The following SRPK2 variants were observed in gnomAD, a reference collection of about 807,000 sequenced individuals.
SRPK2 encodes SFRS protein kinase 2.
Under a neutral mutation model 90.8 loss-of-function variants are expected in SRPK2, and 21 were observed. That is an observed-to-expected ratio of 0.23 (90% CI 0.16 to 0.33). The LOEUF (loss-of-function observed/expected upper bound fraction) is 0.33, where lower values mean the gene tolerates loss of function less well. Ranked by LOEUF, SRPK2 falls within the 10% of genes least tolerant of loss-of-function variation. SRPK2 has a pLI of 1.00. For missense variants in SRPK2, 620 were observed against 869.0 expected (o/e 0.71, Z 3.60); for synonymous variants, 288 against 311.1 (o/e 0.93, Z 0.78).
chr7:105,387,850 G>A (rs1325894650), intron 2 of SRPK2, among the ~76,000 whole-genome samples: 1 of 152,210 alleles, frequency 6.6e-6, no homozygotes, highest in Non-Finnish European at 1.5e-5. Flanking sequence ...CAGCTCTCCA[G>A]GAAAGGGTTC....
rs188622199 is a variant in SRPK2 at position 105,170,749 on chromosome 7, A to G, written c.230-1484T>C. ...AGGAAAGAAAGGGAAGAAAGGGAGG[A>G]AGGAAGGAAGGAAGGAAGGAAGGAA... On this transcript the variant is annotated intron_variant, in intron 3 of 15. Transcript: ENST00000393651. Among the ~76,000 whole-genome samples the G allele has an allele frequency of 9.8e-3, 551 of 55,966 alleles. 19 individuals carry two copies. The highest frequency in any genetic ancestry group is 0.047 in the African/African-American group (501 of 10,748). The allele number at this position is 55,966 out of a possible 152,430, so 36.7% of individuals were successfully genotyped here. A position where few individuals can be genotyped will look rare whatever the true frequency, so the allele number is the denominator to read the frequency against.
intron 11 of SRPK2, among the ~76,000 whole-genome samples, chr7:105,139,497 A>G (rs547133979): frequency 2.2e-4 from 33 of 152,316 alleles, no homozygotes; most frequent in African/African-American, 7.9e-4. Context: ...TATGTGTAGC[A>G]GGTTGGCAGG....
intron 2 of SRPK2, among the ~76,000 whole-genome samples, chr7:105,342,660 T>C (rs1815963035): frequency 6.6e-6 from 1 of 152,134 alleles, no homozygotes; most frequent in African/African-American, 2.4e-5. Context: ...AGAATCCACC[T>C]TGTTCTCGCT....
At chr7:105,268,035 T>C (rs767358411) in intron 2 of SRPK2, among the ~76,000 whole-genome samples, 12 of 152,246 alleles carry the variant, frequency 7.9e-5, no homozygotes, top group Non-Finnish European at 1.8e-4. Context: ...CTGTATACAA[T>C]ATTTGCATAT....
chr7:105,177,414 C>A (rs796294519), intron 3 of SRPK2, among the ~76,000 whole-genome samples: 3 of 152,208 alleles, frequency 2.0e-5, no homozygotes, highest in African/African-American at 7.2e-5. Context: ...AATCTTAAAA[C>A]CTTAGCATAT....
chr7:105,159,317 C>G (rs1807058477), intron 7 of SRPK2, among the ~76,000 whole-genome samples: 1 of 151,708 alleles, frequency 6.6e-6, no homozygotes, highest in Non-Finnish European at 1.5e-5. Context: ...GAAACCCTGT[C>G]TCTACTAAAA....
chr7:105,285,697 C>T (rs1421470747), intron 2 of SRPK2, among the ~76,000 whole-genome samples: 1 of 152,112 alleles, frequency 6.6e-6, no homozygotes, highest in Admixed American at 6.6e-5. Flanking sequence ...CACTTACTCC[C>T]GCTCTCTCTT....
chr7:105,235,893 G>A (rs1028180857), intron 2 of SRPK2, among the ~76,000 whole-genome samples: 14 of 152,098 alleles, frequency 9.2e-5, no homozygotes, highest in African/African-American at 2.7e-4. Flanking sequence ...ACTATTCTCC[G>A]GGGGATAATT....
At chr7:105,250,041 G>A (rs1198881369) in intron 2 of SRPK2, among the ~76,000 whole-genome samples, 1 of 152,084 alleles carries the variant, frequency 6.6e-6, no homozygotes, top group East Asian at 1.9e-4. Flanking sequence ...AAAAGTCGTG[G>A]CTACTTTGGC....
chr7:105,290,372 G>T (rs1163703019), intron 2 of SRPK2, among the ~76,000 whole-genome samples: 1 of 151,984 alleles, frequency 6.6e-6, no homozygotes, highest in Non-Finnish European at 1.5e-5. Flanking sequence ...GCACACACCT[G>T]TGGTCCCAGC....
intron 1 of SRPK2, among the ~76,000 whole-genome samples, chr7:105,396,638 A>G (rs1028173761): frequency 2.0e-5 from 3 of 147,178 alleles, no homozygotes; most frequent in Admixed American, 6.8e-5. Flanking sequence ...CTTGAAAGAA[A>G]GAAAGGGAGA....
At chr7:105,128,511 A>G (rs1157674396) in intron 13 of SRPK2, among the ~76,000 whole-genome samples, 2 of 152,228 alleles carry the variant, frequency 1.3e-5, no homozygotes, top group African/African-American at 4.8e-5. Context: ...ACTAGATTAC[A>G]CACTCAATGG....
rs1307584536 is a variant in SRPK2 at position 105,260,319 on chromosome 7, A to T, written c.72-56534T>A. 2.6e-5 allele frequency among the ~76,000 whole-genome samples: 4 copies of T among 152,256 alleles called. No individual in the cohort carries two copies. In the East Asian group the frequency reaches 7.7e-4, roughly 29 times the overall value. On this transcript the variant is annotated intron_variant, in intron 2 of 15. Transcript: ENST00000393651. ...ACTGGTCATCAGAGAAATGCAAATCAAAACCACAATGAGATACCATCTCAC... is the reference window on the plus strand; with the variant it reads ...ACTGGTCATCAGAGAAATGCAAATCTAAACCACAATGAGATACCATCTCAC...
At chr7:105,273,528 C>T (rs780503259) in intron 2 of SRPK2, among the ~76,000 whole-genome samples, 16 of 151,438 alleles carry the variant, frequency 1.1e-4, no homozygotes, top group Non-Finnish European at 2.4e-4. Flanking sequence ...CAAATTCAAG[C>T]GATTCTCCTG....
At chr7:105,289,580 C>T (rs1195066625) in intron 2 of SRPK2, among the ~76,000 whole-genome samples, 1 of 152,154 alleles carries the variant, frequency 6.6e-6, no homozygotes, top group African/African-American at 2.4e-5. Flanking sequence ...CAAGACCTAT[C>T]ATTAAAGTGA....
intron 2 of SRPK2, among the ~76,000 whole-genome samples, chr7:105,275,131 C>T (rs1165094435): frequency 6.6e-6 from 1 of 152,128 alleles, no homozygotes; most frequent in East Asian, 1.9e-4. Flanking sequence ...AGTGATCCAC[C>T]CGCCTCAGCC....
Position 105,203,705 on chromosome 7 carries a change from G to A in SRPK2, c.152C>T (p.Pro51Leu). The change falls in exon 3 of 16, where the codon CCC becomes CTC. Residue 51 changes from proline to leucine, a missense_variant. Physicochemically the swap from Pro to Leu is moderately conservative, Grantham distance 98. Around this residue, in one of 8 missense-constraint regions of SRPK2, gnomAD observed 196 missense variants for 339.2 expected, o/e 0.58. Coordinates refer to ENST00000393651, the MANE Select transcript of SRPK2 (RefSeq NM_182692.3). ...CTCCTCCTCTGGCTCCGGGGGTGTG[G>A]GGTCTGGCAAAGGTGGCGGTGGTGG... ...PPPPPPPLPD[P>L]TPPEPEEEIL... The A allele has an allele frequency of 1.9e-6, 3 of 1,599,928 alleles. No homozygotes were observed. The highest frequency in any genetic ancestry group is 1.7e-6 in the Non-Finnish European group (2 of 1,173,724).
chr7:105,361,556 G>T (rs1214518192), intron 2 of SRPK2, among the ~76,000 whole-genome samples: 1 of 152,086 alleles, frequency 6.6e-6, no homozygotes, highest in African/African-American at 2.4e-5. Flanking sequence ...GAGGCATCAT[G>T]CTACCTGACT....
intron 3 of SRPK2, among the ~76,000 whole-genome samples, chr7:105,174,985 A>G (rs1472713715): frequency 6.6e-6 from 1 of 152,136 alleles, no homozygotes; most frequent in African/African-American, 2.4e-5. Context: ...CTCTTACTAA[A>G]AATACAAAAA....
Sources: gnomAD v4.1 joint callset for allele counts (sites outside exome capture counted in the v4.1 genomes callset) on GRCh38, gnomAD v4.1.1 for gene constraint, gnomAD v4.1.1 regional missense constraint, MANE v1.5 for transcripts, NCBI Gene and HGNC (gene_info 2026-07-23, HGNC 2026-07-21) for gene names.